Variants in VRK3 observed in about 807,000 individuals in gnomAD.
VRK3 encodes serine/threonine-protein kinase VRK3.
VRK3 carries 50 observed loss-of-function variants against 60.4 expected under a neutral mutation model. The observed-to-expected ratio is 0.83, with a 90% CI of 0.66 to 1.05. The LOEUF (loss-of-function observed/expected upper bound fraction) is 1.05. VRK3 is among the 50% of genes least tolerant of loss of function. The pLI is 0.00. For missense variants in VRK3, 549 were observed against 585.3 expected, an observed-to-expected ratio of 0.94 and a Z score of 0.64; for synonymous variants, 246 against 227.8, an observed-to-expected ratio of 1.08 and a Z score of -0.72.
chr19:49,982,617 A>T (rs1466360672), intron 12 of VRK3, among the ~76,000 whole-genome samples: 1 of 152,110 alleles, frequency 6.6e-6, no homozygotes, highest in African/African-American at 2.4e-5. Flanking sequence ...GATGATTAAA[A>T]TTTTTCTCCA....
Position 50,020,659 on chromosome 19 carries a change from CA to C in VRK3, c.-64-13del, listed in dbSNP as rs1399595131. 9.2e-5 allele frequency: 14 copies of C among 152,246 alleles called. No homozygotes were observed. Among genetic ancestry groups the C allele is most frequent in the Non-Finnish European group, 1.6e-4 (11 of 68,052 alleles). The allele number at this position is 152,246 out of a possible 1,614,324, so 9.4% of individuals were successfully genotyped here. ...ATCTTGACAGCGACCTGTAAGTGAA[CA>C]AAAGTGGAGAGGCTGACTCATGCTT... On this transcript the variant is annotated splice_polypyrimidine_tract_variant and intron_variant, in intron 1 of 14. Coordinates refer to ENST00000316763, the MANE Select transcript of VRK3 (RefSeq NM_016440.4).
rs1568781659 is a variant in VRK3 at position 49,989,781 on chromosome 19, CAG to C, written c.964-12_964-11del. 1 of 1,606,456 alleles carries C rather than the reference CAG, an allele frequency of 6.2e-7. No homozygotes were observed. Among genetic ancestry groups the C allele is most frequent in the Admixed American group, 1.7e-5 (1 of 59,598 alleles). Reference sequence around the variant, plus strand: ...AGCCTGCCAAAGTCACCTGTGGACACAGGGAAAAGCCATACAGATTGGAGGTT... The same window carrying C: ...AGCCTGCCAAAGTCACCTGTGGACACGGAAAAGCCATACAGATTGGAGGTT... On this transcript the variant is annotated splice_polypyrimidine_tract_variant and intron_variant, in intron 10 of 14. Transcript: ENST00000316763.
chr19:50,000,715 C>T (rs11882175), intron 6 of VRK3, 75 bp downstream of exon 6: 34 of 1,510,194 alleles, frequency 2.3e-5, no homozygotes, highest in African/African-American at 4.2e-5. Context: ...AGCTGACAGA[C>T]GGGCTCAGAA....
chr19:49,981,560 C>CATACAT, intron 12 of VRK3: 1 of 519,844 alleles, frequency 1.9e-6, no homozygotes, highest in Non-Finnish European at 2.5e-6. Context: ...CAAAACAAAA[C>CATACAT]AAAACAATAC....
intron 4 of VRK3, among the ~76,000 whole-genome samples, 188 bp from the exon 5 acceptor site, chr19:50,008,014 T>A (rs184110049): frequency 7.2e-4 from 110 of 152,310 alleles, no homozygotes; most frequent in Middle Eastern, 3.4e-3. Flanking sequence ...CGGACCTGCA[T>A]CCTTCCCTCA....
intron 3 of VRK3, 125 bp from the exon 4 acceptor site, chr19:50,009,510 G>C (rs1316432583): frequency 9.1e-7 from 1 of 1,096,684 alleles, no homozygotes; most frequent in African/African-American, 1.6e-5. Context: ...ACCAATTCTT[G>C]CTTCTTCTAT....
rs937491646 is a variant in VRK3 at position 49,991,518 on chromosome 19, T to TACACACACACACACAC, written c.963+1326_963+1341dup. On this transcript the variant is annotated intron_variant, in intron 10 of 14. Coordinates refer to ENST00000316763, the MANE Select transcript of VRK3 (RefSeq NM_016440.4). ...AAGCCAATTCCTTATAATAAATCTC[T>TACACACACACACACAC]ACACACACACACACACGCACACACA... Among the ~76,000 whole-genome samples the TACACACACACACACAC allele has an allele frequency of 2.7e-3, 408 of 150,808 alleles. 1 individual carries two copies. The highest frequency in any genetic ancestry group is 8.5e-3 in the African/African-American group (346 of 40,874).
At position 50,007,560 on chromosome 19, in the gene VRK3, A is replaced by G; in HGVS notation, c.547+9T>C. On this transcript the variant is annotated intron_variant, in intron 5 of 14. Transcript: ENST00000316763. ...ACCCAGTCCCTGGCCGCCCATGGAC[A>G]GAGTGTACCTTCATAGAGAATGCCC... is the stretch of plus-strand genomic sequence containing the variant. 2 of 1,613,456 alleles carry G rather than the reference A, an allele frequency of 1.2e-6. No homozygotes were observed. The highest frequency in any genetic ancestry group is 1.7e-6 in the Non-Finnish European group (2 of 1,179,342).
chr19:50,020,371 G>T (rs1037637434), intron 2 of VRK3: 1 of 152,286 alleles, frequency 6.6e-6, no homozygotes, highest in African/African-American at 2.4e-5. Context: ...ACGGCTTCGT[G>T]TTAAATAGAA....
At position 49,988,361 on chromosome 19, in the gene VRK3, C is replaced by A; in HGVS notation, c.1217+11G>T. The A allele has an allele frequency of 6.2e-7, 1 of 1,610,244 alleles. No homozygotes were observed. Among genetic ancestry groups the A allele is most frequent in the Non-Finnish European group, 8.5e-7 (1 of 1,177,856 alleles). ...ACCACCTGCAGGGGTTCTGCTGACC[C>A]CTAGACTCACTTCTGTTTTTGCTTC... On this transcript the variant is annotated intron_variant, in intron 12 of 14. Transcript: ENST00000316763.
intron 3 of VRK3, among the ~76,000 whole-genome samples, chr19:50,012,779 G>T (rs1267759576): frequency 6.6e-6 from 1 of 152,138 alleles, no homozygotes; most frequent in Non-Finnish European, 1.5e-5. Context: ...GGAGGCTGAG[G>T]CAGGAAAATC....
intron 11 of VRK3, 149 bp downstream of exon 11, chr19:49,989,490 G>A (rs375465870): frequency 5.4e-6 from 6 of 1,103,426 alleles, no homozygotes; most frequent in African/African-American, 4.8e-5. Context: ...CCTTGCGGTC[G>A]GGACGCTGTC....
At chr19:49,999,857 G>GGTGCCTACTGTGCCAGACACACCTGAACC (rs2076770727) in intron 6 of VRK3, 1 of 152,276 alleles carries the variant, frequency 6.6e-6, no homozygotes, top group Non-Finnish European at 1.5e-5. Context: ...AGGTTGATGG[G>GGTGCCTACTGTGCCAGACACACCTGAACC]GTGCCTACTG....
intron 12 of VRK3, chr19:49,988,070 T>C (rs986207751): frequency 3.5e-5 from 8 of 229,438 alleles, no homozygotes; most frequent in East Asian, 2.0e-4. Flanking sequence ...CCTGAACTCT[T>C]TGCAGTCCCA....
chr19:50,022,982 T>C (rs369238836), intron 1 of VRK3, among the ~76,000 whole-genome samples: 2 of 152,228 alleles, frequency 1.3e-5, no homozygotes, highest in East Asian at 3.9e-4. Context: ...TTGCTCACGC[T>C]GAGTCAGCCA....
At position 49,992,957 on chromosome 19, in the gene VRK3, G is replaced by C. The variant is rs757206776; in HGVS notation, c.871-5C>G. 2.1e-5 allele frequency: 34 copies of C among 1,610,646 alleles called. No individual in the cohort carries two copies. The East Asian group carries it at 7.6e-4, about 36-fold the overall frequency. ...GAGGAACTCCAGGGCATCCAGCTGG[G>C]GGAAGAAGCAAGTCAGTGTCTGCAT... On this transcript the variant is annotated splice_polypyrimidine_tract_variant and splice_region_variant and intron_variant, in intron 9 of 14. Transcript: ENST00000316763.
At position 49,976,721 on chromosome 19, in the gene VRK3, C is replaced by T. The variant is rs892544997; in HGVS notation, c.*75G>A. 1 of 152,168 alleles carries T rather than the reference C, an allele frequency of 6.6e-6. No individual in the cohort carries two copies. The highest frequency in any genetic ancestry group is 2.4e-5 in the African/African-American group (1 of 41,214). 9.4% of individuals were successfully genotyped at this position (152,168 alleles called of 1,614,324 possible). ...TTCTAGAAGCTTATCTGTGATTAAA[C>T]AGCAGGCCTTGAGTCACATTACTTC... On this transcript the variant is annotated 3_prime_UTR_variant, in exon 15 of 15. Transcript: ENST00000316763.
At chr19:50,022,416 A>G (rs1568823615) in intron 1 of VRK3, among the ~76,000 whole-genome samples, 1 of 152,086 alleles carries the variant, frequency 6.6e-6, no homozygotes. Context: ...GCTTGTCCCT[A>G]CAATCTATTT....
chr19:50,019,674 C>CTTTTTTTTTTTTTTTTTT (rs568877003), intron 2 of VRK3, among the ~76,000 whole-genome samples: 3 of 45,018 alleles, frequency 6.7e-5, no homozygotes, highest in Admixed American at 3.9e-4. Flanking sequence ...CATGCCTGGC[C>CTTTTTTTTTTTTTTTTTT]TTTTTTTTTT....
Sources: gnomAD v4.1 joint callset for allele counts (sites outside exome capture counted in the v4.1 genomes callset) on GRCh38, gnomAD v4.1.1 for gene constraint, MANE v1.5 for transcripts, NCBI Gene and HGNC (gene_info 2026-07-23, HGNC 2026-07-21) for gene names.